The following GLIS3 variants were observed in gnomAD, a reference collection of about 807,000 sequenced individuals.
GLIS3 encodes GLIS family zinc finger 3.
GLIS3 carries 53 observed loss-of-function variants against 78.6 expected under a neutral mutation model. The ratio of observed to expected loss-of-function variants is 0.67; its 90% CI spans 0.54 to 0.85. The LOEUF (loss-of-function observed/expected upper bound fraction) is 0.85. Among genes scored for constraint, GLIS3 ranks in the 40% least tolerant of loss-of-function variants. The pLI is 0.00. For missense variants in GLIS3, 1,703 were observed against 1,231.1 expected (o/e 1.38, Z -5.74); for synonymous variants, 684 against 509.9 (o/e 1.34, Z -4.60).
At chr9:4,203,685 CAAAGACA>C (rs1415835823) in intron 2 of GLIS3, among the ~76,000 whole-genome samples, 1 of 152,096 alleles carries the variant, frequency 6.6e-6, no homozygotes, top group African/African-American at 2.4e-5. Flanking sequence ...TTCACAATAG[CAAAGACA>C]TGGAATGAAC....
the GLIS3 span, among the ~76,000 whole-genome samples, chr9:4,459,766 A>T: frequency 1.3e-5 from 2 of 152,122 alleles, no homozygotes; most frequent in Non-Finnish European, 2.9e-5. Flanking sequence ...CCATGTTCAC[A>T]CCACTGCACT....
At chr9:4,073,796 T>A (rs1490648805) in intron 4 of GLIS3, among the ~76,000 whole-genome samples, 1 of 151,638 alleles carries the variant, frequency 6.6e-6, no homozygotes, top group African/African-American at 2.4e-5. Context: ...TACTAGAAAT[T>A]GTTTAAATAA....
intron 8 of GLIS3, among the ~76,000 whole-genome samples, chr9:3,863,907 A>C (rs563779046): frequency 1.3e-5 from 2 of 152,208 alleles, no homozygotes; most frequent in African/African-American, 4.8e-5. Flanking sequence ...AAAAGGGAGG[A>C]GGGGAGAACG....
the GLIS3 span, among the ~76,000 whole-genome samples, chr9:4,395,707 G>A: frequency 6.6e-6 from 1 of 151,888 alleles, no homozygotes; most frequent in African/African-American, 2.4e-5. Flanking sequence ...TATGTCTGAT[G>A]TCAAGCTTTT....
intron 4 of GLIS3, among the ~76,000 whole-genome samples, chr9:3,992,398 A>T (rs1820387335): frequency 6.6e-6 from 1 of 152,214 alleles, no homozygotes; most frequent in East Asian, 1.9e-4. Flanking sequence ...GCAATAAAGA[A>T]ATGTGTTTCC....
intron 4 of GLIS3, among the ~76,000 whole-genome samples, chr9:3,980,497 ACTGGTATTGCTTTGTTCGAGTTTG>A: frequency 6.6e-6 from 1 of 152,310 alleles, no homozygotes; most frequent in East Asian, 1.9e-4. Flanking sequence ...CTGCCACAGC[ACTGGTATTGCTTTGTTCGAGTTTG>A]CTTCCCAGAT....
At chr9:4,489,544 C>T in the GLIS3 span, among the ~76,000 whole-genome samples, 3 of 152,120 alleles carry the variant, frequency 2.0e-5, no homozygotes, top group South Asian at 2.1e-4. Context: ...AGATTGTATA[C>T]GTGAGAGTGA....
At chr9:3,874,929 G>A (rs1170313656) in intron 8 of GLIS3, among the ~76,000 whole-genome samples, 2 of 152,098 alleles carry the variant, frequency 1.3e-5, no homozygotes, top group Non-Finnish European at 2.9e-5. Flanking sequence ...TCTATTACCT[G>A]AACGACAAAG....
chr9:4,026,963 A>G (rs1219090660), intron 4 of GLIS3, among the ~76,000 whole-genome samples: 1 of 152,188 alleles, frequency 6.6e-6, no homozygotes, highest in East Asian at 1.9e-4. Context: ...AGACTGTCTG[A>G]CACTAAATTC....
At chr9:4,419,011 G>A in the GLIS3 span, among the ~76,000 whole-genome samples, 1 of 152,170 alleles carries the variant, frequency 6.6e-6, no homozygotes, top group East Asian at 1.9e-4. Flanking sequence ...TTGGAAATAT[G>A]ACACAGGCCT....
chr9:4,006,304 C>CAA (rs71497513), intron 4 of GLIS3, among the ~76,000 whole-genome samples: 328 of 32,134 alleles, frequency 0.01, 4 homozygotes, highest in Middle Eastern at 0.022. Flanking sequence ...TCATATGTCT[C>CAA]AAAAAAAAAA....
chr9:3,985,137 AATTATT>A (rs1226361772), intron 4 of GLIS3, among the ~76,000 whole-genome samples: 64 of 151,720 alleles, frequency 4.2e-4, no homozygotes, highest in Admixed American at 9.2e-4. Context: ...TTTCAGTCAA[AATTATT>A]ATTATTATTA....
chr9:4,385,802 AAAG>A, the GLIS3 span, among the ~76,000 whole-genome samples: 2 of 60,142 alleles, frequency 3.3e-5, no homozygotes, highest in African/African-American at 1.6e-4. Flanking sequence ...AGAAAGAAAG[AAAG>A]AAAGAAAAGA....
intron 2 of GLIS3, among the ~76,000 whole-genome samples, chr9:4,212,059 T>A (rs1259145470): frequency 6.6e-6 from 1 of 152,190 alleles, no homozygotes; most frequent in East Asian, 1.9e-4. Flanking sequence ...GGAATCTTAC[T>A]GGGATTCTAA....
intron 2 of GLIS3, among the ~76,000 whole-genome samples, chr9:4,338,690 G>A (rs975331046): frequency 1.1e-4 from 16 of 152,198 alleles, no homozygotes; most frequent in African/African-American, 3.6e-4. Flanking sequence ...GGAAAATAGT[G>A]TAAGTACTGG....
chr9:4,241,998 C>G (rs1823367241), intron 2 of GLIS3, among the ~76,000 whole-genome samples: 1 of 152,126 alleles, frequency 6.6e-6, no homozygotes, highest in South Asian at 2.1e-4. Flanking sequence ...AGCACATTTG[C>G]TTTAATACAG....
In GLIS3 at chr9:3,943,003, G is replaced by GA. The variant is rs1005213807; in HGVS notation, c.1711-5815dup. ...TAAAATTTAGGTGGGAAGATAATAG[G>GA]AAAAAAAAAAAGTAGAAGAAAGGTC... On this transcript the variant is annotated intron_variant, in intron 4 of 10. Transcript: ENST00000381971. 5.9e-4 allele frequency among the ~76,000 whole-genome samples: 85 copies of GA among 144,800 alleles called. 1 individual carries two copies. The highest frequency in any genetic ancestry group is 6.6e-4 in the South Asian group (3 of 4,562). The allele number at this position is 144,800 out of a possible 152,430, so 95.0% of individuals were successfully genotyped here.
intron 2 of GLIS3, among the ~76,000 whole-genome samples, chr9:4,339,437 A>T (rs1397709795): frequency 1.3e-5 from 2 of 152,114 alleles, no homozygotes; most frequent in African/African-American, 4.8e-5. Flanking sequence ...ATTTTTAAAG[A>T]ATGACATTTA....
chr9:3,897,114 G>A (rs372467728), intron 7 of GLIS3, among the ~76,000 whole-genome samples: 1 of 152,142 alleles, frequency 6.6e-6, no homozygotes. Flanking sequence ...CAACAAAGGT[G>A]CTAATGTTTT....
Sources: allele counts gnomAD v4.1 joint callset (sites outside exome capture counted in the v4.1 genomes callset), GRCh38; gene constraint gnomAD v4.1.1; transcripts MANE v1.5; gene names NCBI Gene and HGNC (gene_info 2026-07-23, HGNC 2026-07-21).